Variants in MRPL22 observed in about 807,000 individuals in gnomAD.
The protein encoded by MRPL22 is mitochondrial ribosomal protein L22.
Under a neutral mutation model 32.4 loss-of-function variants are expected in MRPL22, and 27 were observed. The ratio of observed to expected loss-of-function variants is 0.83; its 90% confidence interval spans 0.61 to 1.15. The LOEUF (loss-of-function observed/expected upper bound fraction) is 1.15, where lower values mean the gene tolerates loss of function less well. Ranked by LOEUF, MRPL22 falls within the 50% of genes most tolerant of loss-of-function variation. The probability of loss-of-function intolerance (pLI) is 0.00; values close to 1 mark genes in which losing one functional copy is unlikely to be tolerated. For synonymous variants in MRPL22, 86 were observed against 87.3 expected (o/e 0.99, Z 0.08); for missense variants, 239 against 260.2 (o/e 0.92, Z 0.56).
chr5:154,947,043 A>G (rs1764501273), intron 2 of MRPL22, among the ~76,000 whole-genome samples: 1 of 152,184 alleles, frequency 6.6e-6, no homozygotes, highest in African/African-American at 2.4e-5. Context: ...TTAATCCATC[A>G]ACAGTATTAA....
chr5:154,964,955 C>T (rs1465047283), intron 6 of MRPL22, among the ~76,000 whole-genome samples: 8 of 152,044 alleles, frequency 5.3e-5, no homozygotes, highest in South Asian at 2.1e-4. Flanking sequence ...ATCCAGGGGA[C>T]GCGCCGTGAT....
intron 3 of MRPL22, among the ~76,000 whole-genome samples, chr5:154,952,007 C>T (rs373968110): frequency 1.3e-3 from 202 of 151,728 alleles, no homozygotes; most frequent in African/African-American, 4.4e-3. Context: ...CTCAGCCTCC[C>T]GACTAGCTGG....
chr5:154,965,712 G>A (rs1248955513), intron 6 of MRPL22, among the ~76,000 whole-genome samples: 1 of 152,094 alleles, frequency 6.6e-6, no homozygotes, highest in Non-Finnish European at 1.5e-5. Context: ...GTGAGCCACC[G>A]CGCCTGGCCC....
intron 2 of MRPL22, among the ~76,000 whole-genome samples, chr5:154,948,181 T>C (rs1446860891): frequency 2.0e-5 from 3 of 152,350 alleles, no homozygotes; most frequent in Admixed American, 6.5e-5. Flanking sequence ...CACTTACTAC[T>C]TATGGCCAAT....
At chr5:154,948,414 CCT>C (rs1764519506) in intron 2 of MRPL22, among the ~76,000 whole-genome samples, 1 of 151,962 alleles carries the variant, frequency 6.6e-6, no homozygotes, top group South Asian at 2.1e-4. Context: ...TTTATTCAAC[CCT>C]CTCTTTTTTT....
At chr5:154,944,505 G>T (rs1328154829) in intron 2 of MRPL22, among the ~76,000 whole-genome samples, 1 of 152,132 alleles carries the variant, frequency 6.6e-6, no homozygotes, top group Non-Finnish European at 1.5e-5. Flanking sequence ...ACCTGTCTCT[G>T]TATTCTTTCA....
At chr5:154,949,139 CAG>C (rs1309282185) in intron 2 of MRPL22, among the ~76,000 whole-genome samples, 1 of 152,080 alleles carries the variant, frequency 6.6e-6, no homozygotes, top group African/African-American at 2.4e-5. Flanking sequence ...CCATTTCTCT[CAG>C]AAGTTTTGGT....
rs113160124 is a variant in MRPL22 at position 154,966,416 on chromosome 5, T to G, written c.410-270T>G. ...CACTTGTCACTAGCTGAAATTATCA[T>G]TTTATTTTACGTCTTTCTTCTCCAG... is the stretch of plus-strand genomic sequence containing the variant. On this transcript the variant is annotated intron_variant, in intron 6 of 6. Transcript: ENST00000523037. Among the ~76,000 whole-genome samples the G allele has an allele frequency of 2.6e-4, 40 of 152,368 alleles. 1 individual carries two copies. The highest frequency in any genetic ancestry group is 9.1e-4 in the African/African-American group (38 of 41,584).
At chr5:154,960,533 G>T (rs1449054464) in intron 6 of MRPL22, among the ~76,000 whole-genome samples, 1 of 152,102 alleles carries the variant, frequency 6.6e-6, no homozygotes, top group Non-Finnish European at 1.5e-5. Context: ...AAAAGCCAAG[G>T]GGCCTTGGAA....
intron 2 of MRPL22, 74 bp downstream of exon 2, chr5:154,941,339 C>T: frequency 1.3e-6 from 2 of 1,586,150 alleles, no homozygotes; most frequent in African/African-American, 1.3e-5. Context: ...AACTGAGCGC[C>T]TCCGTGCCTA....
intron 2 of MRPL22, among the ~76,000 whole-genome samples, chr5:154,943,035 G>A (rs981001397): frequency 3.9e-5 from 6 of 152,150 alleles, no homozygotes; most frequent in Admixed American, 1.3e-4. Context: ...GGATTTTCTA[G>A]TGGGGAAAAT....
rs1223049921 is a variant in MRPL22 at position 154,969,279 on chromosome 5, T to A, written c.*2382T>A. On this transcript the variant is annotated 3_prime_UTR_variant, in exon 7 of 7. Transcript: ENST00000523037. ...GTTTTATAAGTGTTTGAAAGTTCCC[T>A]CTTCACTCGCTGTCTTGCCTGCTGC... 1 of 152,220 alleles carries A rather than the reference T, an allele frequency of 6.6e-6. No individual in the cohort carries two copies. Among genetic ancestry groups the A allele is most frequent in the Non-Finnish European group, 1.5e-5 (1 of 68,076 alleles). The allele number at this position is 152,220 out of a possible 1,614,324, so 9.4% of individuals were successfully genotyped here.
intron 6 of MRPL22, among the ~76,000 whole-genome samples, chr5:154,965,248 A>G (rs949073276): frequency 6.6e-6 from 1 of 152,202 alleles, no homozygotes; most frequent in Non-Finnish European, 1.5e-5. Flanking sequence ...CAGTAAGTGT[A>G]TAAGAATGAT....
chr5:154,965,893 G>A (rs961194085), intron 6 of MRPL22, among the ~76,000 whole-genome samples: 2 of 152,104 alleles, frequency 1.3e-5, no homozygotes, highest in Non-Finnish European at 2.9e-5. Context: ...TAATTTCCAA[G>A]GCCCACCCCA....
chr5:154,947,194 G>A (rs1320724393), intron 2 of MRPL22, among the ~76,000 whole-genome samples: 1 of 152,110 alleles, frequency 6.6e-6, no homozygotes, highest in East Asian at 1.9e-4. Flanking sequence ...ATTTACTGAT[G>A]GGAAAACTGA....
At position 154,956,431 on chromosome 5, in the gene MRPL22, A is replaced by G. The variant is rs149070421; in HGVS notation, c.256A>G (p.Lys86Glu). The G allele has an allele frequency of 5.0e-6, 8 of 1,603,842 alleles. No individual in the cohort carries two copies. In the African/African-American group the frequency reaches 1.1e-4, roughly 21 times the overall value. ...CAAAGACAAGATGTGGTATTTGGCA[A>G]AATTGGTAAGCTGCAATGACTATTA... The part of the protein sequence containing the change: ...YSKDKMWYLA[K>E]LIRGMSIDQA... The change falls in exon 4 of 7, where the codon AAA (lysine) becomes GAA (glutamate). Residue 86 changes from lysine to glutamate, a missense_variant. Physicochemically the swap from Lys to Glu is moderately conservative, Grantham distance 56. Coordinates refer to ENST00000523037, the MANE Select transcript of MRPL22 (RefSeq NM_014180.4).
At chr5:154,965,043 A>C (rs1018264279) in intron 6 of MRPL22, among the ~76,000 whole-genome samples, 1 of 152,272 alleles carries the variant, frequency 6.6e-6, no homozygotes, top group Non-Finnish European at 1.5e-5. Flanking sequence ...GTGCCCACTA[A>C]ATGAAGTTAA....
chr5:154,966,933 C>T lies in MRPL22; in HGVS notation c.*36C>T. ...CAGACTCCACAGTGTATATATTTTG[C>T]CATTTATTTTCTAAAAATAAACAAA... On this transcript the variant is annotated 3_prime_UTR_variant, in exon 7 of 7. Transcript: ENST00000523037. 3.9e-6 allele frequency: 6 copies of T among 1,524,014 alleles called. No homozygotes were observed. The highest frequency in any genetic ancestry group is 5.3e-6 in the Non-Finnish European group (6 of 1,133,874). The allele number at this position is 1,524,014 out of a possible 1,614,324, so 94.4% of individuals were successfully genotyped here. A position where few individuals can be genotyped will look rare whatever the true frequency, so the allele number is the denominator to read the frequency against.
intron 5 of MRPL22, 40 bp downstream of exon 5, chr5:154,957,252 T>TG: frequency 6.0e-6 from 9 of 1,508,308 alleles, no homozygotes; most frequent in Non-Finnish European, 8.3e-6. Flanking sequence ...AATGGGGAAC[T>TG]GGGGAATGCA....
Sources: gnomAD v4.1 joint callset for allele counts (sites outside exome capture counted in the v4.1 genomes callset) on GRCh38, gnomAD v4.1.1 for gene constraint, MANE v1.5 for transcripts, NCBI Gene and HGNC (gene_info 2026-07-23, HGNC 2026-07-21) for gene names.